Variants in KATNIP observed in about 807,000 individuals in gnomAD.
KATNIP encodes katanin interacting protein.
In KATNIP, 126 loss-of-function variants were observed where a neutral mutation model predicts 174.0. The ratio of observed to expected loss-of-function variants is 0.72; its 90% CI spans 0.63 to 0.84. The LOEUF is 0.84. KATNIP is among the 40% of genes least tolerant of loss of function. The pLI is 0.00. For synonymous variants in KATNIP, 810 were observed against 835.7 expected, an observed-to-expected ratio of 0.97 and a Z score of 0.53; for missense variants, 1,958 against 2,109.7, an observed-to-expected ratio of 0.93 and a Z score of 1.41.
intron 6 of KATNIP, among the ~76,000 whole-genome samples, chr16:27,651,714 A>G (rs1250891949): frequency 6.6e-6 from 1 of 152,086 alleles, no homozygotes; most frequent in Non-Finnish European, 1.5e-5. Flanking sequence ...ACTAGCTGAC[A>G]TTTTTATTTA....
intron 1 of KATNIP, among the ~76,000 whole-genome samples, chr16:27,558,082 T>A (rs1047676095): frequency 1.3e-5 from 2 of 152,224 alleles, no homozygotes; most frequent in African/African-American, 4.8e-5. Context: ...AGTATTAACT[T>A]GTACAGTTGT....
chr16:27,690,616 A>G (rs574596228), intron 8 of KATNIP, among the ~76,000 whole-genome samples: 1 of 152,272 alleles, frequency 6.6e-6, no homozygotes, highest in African/African-American at 2.4e-5. Flanking sequence ...TCAGGCCTAG[A>G]ACATTGTCCC....
At chr16:27,646,329 G>A (rs2076955079) in intron 5 of KATNIP, among the ~76,000 whole-genome samples, 2 of 152,162 alleles carry the variant, frequency 1.3e-5, no homozygotes, top group Admixed American at 6.5e-5. Flanking sequence ...CCCTCAAGAA[G>A]AGAGCACCTC....
At position 27,770,907 on chromosome 16, in the gene KATNIP, C is replaced by G. The variant is rs979194852; in HGVS notation, c.4134-681C>G. ...CAGCCTCCTCTCACTTCCCTCTCCC[C>G]ATCCTGCCCCAGACTCCAGCCCTCT... On this transcript the variant is annotated intron_variant, in intron 21 of 27. Transcript: ENST00000261588. 3.9e-5 allele frequency among the ~76,000 whole-genome samples: 6 copies of G among 152,328 alleles called. 1 individual carries two copies. The highest frequency in any genetic ancestry group is 1.4e-4 in the African/African-American group (6 of 41,576).
intron 14 of KATNIP, 113 bp from the exon 15 acceptor site, chr16:27,739,928 G>A: frequency 1.7e-6 from 2 of 1,201,760 alleles, no homozygotes; most frequent in Non-Finnish European, 2.3e-6. Flanking sequence ...TCAAAAGCTT[G>A]CATTTCTAGC....
chr16:27,777,788 C>T lies in KATNIP; in HGVS notation c.4712+18C>T. 1 of 1,612,762 alleles carries T rather than the reference C, an allele frequency of 6.2e-7. No homozygotes were observed. Among genetic ancestry groups the T allele is most frequent in the Admixed American group, 1.7e-5 (1 of 59,970 alleles). ...ACCATCAGGTAGGGCCCCAGCCGGCCCCATGGCCTCCCCACCAGCCCTAAG... is the reference window on the plus strand; with the variant it reads ...ACCATCAGGTAGGGCCCCAGCCGGCTCCATGGCCTCCCCACCAGCCCTAAG... On this transcript the variant is annotated intron_variant, in intron 26 of 27. Transcript: ENST00000261588. This position sits in a 1 kb window ranked among gnomAD's most constrained non-coding sequence, Gnocchi z 4.4.
rs2081081092 is a variant in KATNIP, at chr16:27,740,888, G to A, written c.2591G>A (p.Ser864Asn). Residue 864 changes from serine to asparagine, a missense_variant, in exon 15 of 28, where the codon AGT becomes AAT. Transcript: ENST00000261588. ...GGCTCAAGGAAGGATGCTGGCAGCAGTAGTCATGGGGACGACCAGCCAGCC... is the reference window on the plus strand; with the variant it reads ...GGCTCAAGGAAGGATGCTGGCAGCAATAGTCATGGGGACGACCAGCCAGCC... ...RRGSRKDAGS[S>N]SHGDDQPASR... The A allele has an allele frequency of 2.5e-6, 4 of 1,604,140 alleles. No individual in the cohort carries two copies. Among genetic ancestry groups the A allele is most frequent in the Non-Finnish European group, 3.4e-6 (4 of 1,175,872 alleles).
chr16:27,591,305 C>T (rs962138360), intron 2 of KATNIP, among the ~76,000 whole-genome samples: 1 of 152,122 alleles, frequency 6.6e-6, no homozygotes, highest in Admixed American at 6.6e-5. Context: ...CTGCCCCAGC[C>T]TCCTGAGTAG....
chr16:27,750,465 G>C (rs924222903), intron 16 of KATNIP, among the ~76,000 whole-genome samples, 159 bp downstream of exon 16: 2 of 150,158 alleles, frequency 1.3e-5, no homozygotes, highest in African/African-American at 4.9e-5. Context: ...TGTCCCCCAG[G>C]CTGGAGTGCA....
intron 13 of KATNIP, among the ~76,000 whole-genome samples, chr16:27,711,544 ACT>A (rs1200890233): frequency 1.3e-5 from 2 of 152,136 alleles, no homozygotes; most frequent in East Asian, 1.9e-4. Context: ...TGTCCTCGCA[ACT>A]CTCTGCTGGA....
At chr16:27,676,828 C>T (rs1470971467) in intron 6 of KATNIP, among the ~76,000 whole-genome samples, 1 of 152,104 alleles carries the variant, frequency 6.6e-6, no homozygotes, top group African/African-American at 2.4e-5. Context: ...CATCACCATA[C>T]TCAGCTAATT....
At chr16:27,672,425 C>A (rs192976503) in intron 6 of KATNIP, among the ~76,000 whole-genome samples, 1 of 152,294 alleles carries the variant, frequency 6.6e-6, no homozygotes, top group African/African-American at 2.4e-5. Context: ...CTGAAATGCC[C>A]CTGTTTATAT....
intron 6 of KATNIP, among the ~76,000 whole-genome samples, chr16:27,670,317 C>G (rs1302373535): frequency 6.6e-6 from 1 of 152,198 alleles, no homozygotes; most frequent in African/African-American, 2.4e-5. Flanking sequence ...TGGTCCATCT[C>G]CCTAATGTGC....
At chr16:27,654,583 C>A (rs1466893281) in intron 6 of KATNIP, 3 of 1,351,760 alleles carry the variant, frequency 2.2e-6, no homozygotes, top group Non-Finnish European at 2.9e-6. Flanking sequence ...TTTTACCATG[C>A]CCAGTTTTCT....
rs1283389193 is a variant in KATNIP at position 27,573,918 on chromosome 16, G to GC, written c.27dup (p.Glu10ArgfsTer16). 2.3e-5 allele frequency: 37 copies of GC among 1,614,048 alleles called. No homozygotes were observed. Among genetic ancestry groups the GC allele is most frequent in the Non-Finnish European group, 3.1e-5 (36 of 1,180,032 alleles). ...TGCGACAGGTCAGACTCTGCGAAAG[G>GC]CCGAGAGAAGCTGGTCCTGCTCACG... is the stretch of plus-strand genomic sequence containing the variant. On this transcript the variant is annotated frameshift_variant, in exon 2 of 28. Coordinates refer to ENST00000261588, the MANE Select transcript of KATNIP (RefSeq NM_015202.5). LOFTEE classifies it high-confidence loss of function.
intron 2 of KATNIP, among the ~76,000 whole-genome samples, chr16:27,610,960 G>A (rs1201334203): frequency 6.6e-6 from 1 of 152,076 alleles, no homozygotes; most frequent in Admixed American, 6.6e-5. Context: ...CCTTTGCTTC[G>A]AGTTGTCCCG....
At chr16:27,720,598 G>T (rs1438828517) in intron 13 of KATNIP, among the ~76,000 whole-genome samples, 3 of 147,660 alleles carry the variant, frequency 2.0e-5, no homozygotes, top group Non-Finnish European at 4.4e-5. Context: ...TTGAGCTCAC[G>T]GCTGAATGGG....
At chr16:27,753,848 TC>T (rs1175110402) in intron 17 of KATNIP, among the ~76,000 whole-genome samples, 2 of 151,354 alleles carry the variant, frequency 1.3e-5, no homozygotes, top group African/African-American at 2.4e-5. Flanking sequence ...TTTCCTTCCT[TC>T]CTTTCTTTCT....
intron 1 of KATNIP, among the ~76,000 whole-genome samples, chr16:27,566,389 C>G (rs1262750504): frequency 3.3e-5 from 5 of 152,038 alleles, no homozygotes; most frequent in South Asian, 2.1e-4. Flanking sequence ...TTCAAAAATA[C>G]ACCGGGCGTG....
Sources: allele counts gnomAD v4.1 joint callset (sites outside exome capture counted in the v4.1 genomes callset), GRCh38; gene constraint gnomAD v4.1.1; non-coding constraint Gnocchi (gnomAD v3.1); transcripts MANE v1.5; gene names NCBI Gene and HGNC (gene_info 2026-07-23, HGNC 2026-07-21).